VPS50: variants seen among roughly 807,000 people sequenced by gnomAD.
VPS50 encodes VPS50 subunit of EARP/GARPII complex.
In VPS50, 70 loss-of-function variants were observed where a neutral mutation model predicts 139.7. That is an observed-to-expected ratio of 0.50 (90% CI 0.41 to 0.61). The LOEUF (loss-of-function observed/expected upper bound fraction) is 0.61, where lower values mean the gene tolerates loss of function less well. Among genes scored for constraint, VPS50 ranks in the 20% least tolerant of loss-of-function variants. The pLI is 0.00. For synonymous variants in VPS50, 365 were observed against 376.7 expected (o/e 0.97, Z 0.36); for missense variants, 921 against 1,133.7 (o/e 0.81, Z 2.69).
chr7:93,308,296 C>T (rs982273140), intron 18 of VPS50, among the ~76,000 whole-genome samples: 5 of 151,766 alleles, frequency 3.3e-5, no homozygotes, highest in Non-Finnish European at 7.4e-5. Context: ...CCATTTTTGT[C>T]CTCATTCTCA....
At chr7:93,311,109 C>G in intron 19 of VPS50, 57 bp from the exon 20 acceptor site, 7 of 812,002 alleles carry the variant, frequency 8.6e-6, no homozygotes, top group Non-Finnish European at 1.5e-5. Context: ...ATCTGACTAA[C>G]TTATTGGTTT....
intron 22 of VPS50, 107 bp downstream of exon 22, chr7:93,334,304 C>G: frequency 1.5e-6 from 1 of 685,616 alleles, no homozygotes. Context: ...TAGCTGAGTC[C>G]TCAGAATTAA....
In VPS50 at chr7:93,270,232, T is replaced by C. The variant is rs898404323; in HGVS notation, c.660-988T>C. Among the ~76,000 whole-genome samples, 11 of 152,062 alleles carry C rather than the reference T, an allele frequency of 7.2e-5. 1 individual carries two copies. Among genetic ancestry groups the C allele is most frequent in the African/African-American group, 2.6e-4 (11 of 41,526 alleles). On this transcript the variant is annotated intron_variant, in intron 9 of 27. Coordinates refer to ENST00000305866, the MANE Select transcript of VPS50 (RefSeq NM_017667.4). ...TAAGCTTTTATAAAGTAAACATAGTTATGTAATTACCACCTAGAAGTAGAA... is the reference window on the plus strand; with the variant it reads ...TAAGCTTTTATAAAGTAAACATAGTCATGTAATTACCACCTAGAAGTAGAA...
At chr7:93,264,864 T>C (rs1316674269) in intron 9 of VPS50, among the ~76,000 whole-genome samples, 2 of 152,196 alleles carry the variant, frequency 1.3e-5, no homozygotes, top group Non-Finnish European at 2.9e-5. Flanking sequence ...GCCTTCTAGC[T>C]TGATCCATTG....
intron 12 of VPS50, among the ~76,000 whole-genome samples, chr7:93,284,520 A>G (rs1301405482): frequency 1.7e-4 from 26 of 152,206 alleles, no homozygotes; most frequent in Admixed American, 1.6e-3. Context: ...GATTATTTAT[A>G]TCATACATAT....
intron 16 of VPS50, among the ~76,000 whole-genome samples, chr7:93,302,736 C>A (rs1198062473): frequency 6.6e-6 from 1 of 151,924 alleles, no homozygotes; most frequent in South Asian, 2.1e-4. Context: ...ATGGTAGTAA[C>A]AACTTGTGGT....
In VPS50 at chr7:93,359,882, T is replaced by G. The variant is rs1798798712; in HGVS notation, c.*1446T>G. On this transcript the variant is annotated 3_prime_UTR_variant, in exon 28 of 28. Transcript: ENST00000305866. ...GTGTGTGTCTGTATGCTGAGTGTTT[T>G]CTTTTCATCCTCTCATGTCGGAGTT... The G allele has an allele frequency of 6.6e-6, 1 of 152,188 alleles. No individual in the cohort carries two copies. The highest frequency in any genetic ancestry group is 6.6e-5 in the Admixed American group (1 of 15,258). 9.4% of individuals were successfully genotyped at this position (152,188 alleles called of 1,614,324 possible).
chr7:93,287,007 T>A (rs201684299), intron 12 of VPS50, among the ~76,000 whole-genome samples: 18,417 of 142,654 alleles, frequency 0.13, 1,736 homozygotes, highest in East Asian at 0.36. Context: ...TTTTTTTTTT[T>A]TTAAAAAAAA....
chr7:93,240,257 T>A (rs1489653184), intron 2 of VPS50, among the ~76,000 whole-genome samples: 2,114 of 127,444 alleles, frequency 0.017, 42 homozygotes, highest in African/African-American at 0.058. Flanking sequence ...ACACTCTCTC[T>A]CTCTCTCTCT....
intron 20 of VPS50, among the ~76,000 whole-genome samples, chr7:93,316,024 T>G (rs1009696259): frequency 2.0e-5 from 3 of 152,152 alleles, no homozygotes; most frequent in African/African-American, 4.8e-5. Flanking sequence ...GAAAGAATGA[T>G]GATTAATTTT....
intron 16 of VPS50, among the ~76,000 whole-genome samples, chr7:93,298,645 T>C (rs1057133759): frequency 6.6e-6 from 1 of 152,214 alleles, no homozygotes; most frequent in Non-Finnish European, 1.5e-5. Context: ...TCAAAAGGTG[T>C]CTGTCATCTG....
intron 12 of VPS50, among the ~76,000 whole-genome samples, chr7:93,290,377 G>A (rs1377895418): frequency 6.7e-6 from 1 of 150,248 alleles, no homozygotes; most frequent in Non-Finnish European, 1.5e-5. Flanking sequence ...CTCATAAATA[G>A]CAGTGTAAAC....
intron 16 of VPS50, among the ~76,000 whole-genome samples, chr7:93,300,869 A>C (rs1364416501): frequency 6.6e-6 from 1 of 152,090 alleles, no homozygotes; most frequent in Non-Finnish European, 1.5e-5. Flanking sequence ...TTTCTTTAAA[A>C]TATTTAACAT....
At chr7:93,256,401 T>C (rs1795483491) in intron 4 of VPS50, 108 bp from the exon 5 acceptor site, 3 of 533,998 alleles carry the variant, frequency 5.6e-6, no homozygotes, top group Non-Finnish European at 6.4e-6. Flanking sequence ...CTCCCAAAGT[T>C]ATTGGGGAGA....
chr7:93,328,302 G>A (rs1226135522), intron 21 of VPS50, among the ~76,000 whole-genome samples: 3 of 152,136 alleles, frequency 2.0e-5, no homozygotes, highest in Non-Finnish European at 4.4e-5. Context: ...CATGGCATAT[G>A]GATTGATCTA....
chr7:93,293,605 C>T (rs956139125), intron 13 of VPS50, among the ~76,000 whole-genome samples: 4 of 152,142 alleles, frequency 2.6e-5, no homozygotes, highest in African/African-American at 9.7e-5. Context: ...TTGAAAATTA[C>T]TTTTCATGGA....
At chr7:93,254,057 C>A in intron 4 of VPS50, 126 bp downstream of exon 4, 1 of 498,014 alleles carries the variant, frequency 2.0e-6, no homozygotes, top group Non-Finnish European at 3.6e-6. Flanking sequence ...TGTTATTTAA[C>A]ATGACTGATT....
intron 27 of VPS50, 29 bp downstream of exon 27, chr7:93,356,109 T>C: frequency 8.9e-7 from 1 of 1,119,976 alleles, no homozygotes; most frequent in Non-Finnish European, 1.2e-6. Flanking sequence ...TTAATTAAGT[T>C]TTTATTCCTT....
At chr7:93,315,193 G>A (rs1797389778) in intron 20 of VPS50, among the ~76,000 whole-genome samples, 1 of 151,736 alleles carries the variant, frequency 6.6e-6, no homozygotes, top group African/African-American at 2.4e-5. Flanking sequence ...ATATCTTAAG[G>A]TTACACTTAA....
Sources: allele counts gnomAD v4.1 joint callset (sites outside exome capture counted in the v4.1 genomes callset), GRCh38; gene constraint gnomAD v4.1.1; transcripts MANE v1.5; gene names NCBI Gene and HGNC (gene_info 2026-07-23, HGNC 2026-07-21).